The following PTER variants were observed in gnomAD, a reference collection of about 807,000 sequenced individuals.
The protein encoded by PTER is N-acetyltaurine hydrolase.
A neutral mutation model predicts 29.6 loss-of-function variants in PTER; 38 were observed. The ratio of observed to expected loss-of-function variants is 1.28; its 90% CI spans 0.99 to 1.68. The LOEUF is 1.68. Among genes scored for constraint, PTER ranks in the 40% most tolerant of loss-of-function variants. PTER has a pLI of 0.00. For synonymous variants in PTER, 172 were observed against 154.5 expected, an observed-to-expected ratio of 1.11 and a Z score of -0.84; for missense variants, 482 against 427.8, an observed-to-expected ratio of 1.13 and a Z score of -1.12.
chr10:16,505,962 A>G (rs1472594883), intron 4 of PTER, among the ~76,000 whole-genome samples: 2 of 152,160 alleles, frequency 1.3e-5, no homozygotes, highest in Non-Finnish European at 2.9e-5. Context: ...AGACCTGGGG[A>G]CAGAGACATT....
At chr10:16,460,123 C>T (rs1019208261) in intron 1 of PTER, among the ~76,000 whole-genome samples, 2 of 152,110 alleles carry the variant, frequency 1.3e-5, no homozygotes, top group Admixed American at 6.6e-5. Context: ...TCTTATTTTT[C>T]TAATTAGGAA....
At position 16,484,706 on chromosome 10, in the gene PTER, C is replaced by T. The variant is rs1482275969; in HGVS notation, c.322C>T (p.Gln108Ter). The T allele has an allele frequency of 9.3e-6, 15 of 1,614,010 alleles. No individual in the cohort carries two copies. The highest frequency in any genetic ancestry group is 3.3e-5 in the Admixed American group (2 of 59,976). ...NTTTGISRDT[Q>*]TLKRLAEETG... ...AACCACTGGGATTAGCCGAGACACA[C>T]AGACGTTGAAGAGGCTTGCAGAAGA... Residue 108 changes from glutamine to a stop codon, truncating the protein, a stop_gained, in exon 2 of 5, where the codon CAG (glutamine) becomes TAG (stop). Transcript: ENST00000535784. LOFTEE classifies it high-confidence loss of function.
chr10:16,514,739 A>T (rs757159562), downstream of PTER: 9 of 1,542,370 alleles, frequency 5.8e-6, no homozygotes, highest in Admixed American at 1.7e-4. Context: ...TAGGATGCGT[A>T]AATGAGAATT....
intron 1 of PTER, among the ~76,000 whole-genome samples, chr10:16,438,699 A>G (rs551214439): frequency 9.8e-4 from 148 of 151,038 alleles, no homozygotes; most frequent in African/African-American, 3.5e-3. Flanking sequence ...AGGCTGAGGC[A>G]GGTGGATCAC....
At position 16,464,956 on chromosome 10, in the gene PTER, A is replaced by G. The variant is rs1031149911; in HGVS notation, c.-48-19381A>G. Among the ~76,000 whole-genome samples the G allele has an allele frequency of 5.3e-5, 8 of 152,212 alleles. No homozygotes were observed. In the South Asian group the frequency reaches 1.7e-3, roughly 31 times the overall value. On this transcript the variant is annotated intron_variant, in intron 1 of 4. Coordinates refer to ENST00000535784, the MANE Select transcript of PTER (RefSeq NM_001261836.2). ...CACATCTTACATGGCAACAGGGAAG[A>G]GAGAACTCGTGCAGGGGAATTCCTC...
intron 3 of PTER, among the ~76,000 whole-genome samples, chr10:16,500,251 G>A (rs1836282702): frequency 6.6e-6 from 1 of 150,698 alleles, no homozygotes; most frequent in African/African-American, 2.4e-5. Context: ...TTGAGACAAG[G>A]TCTCACTCTG....
chr10:16,457,168 C>T (rs1465860009), intron 1 of PTER, among the ~76,000 whole-genome samples: 1 of 152,078 alleles, frequency 6.6e-6, no homozygotes, highest in Non-Finnish European at 1.5e-5. Flanking sequence ...TAGTCATTAA[C>T]GCTTTAATAC....
intron 1 of PTER, among the ~76,000 whole-genome samples, chr10:16,482,993 G>A (rs1420463469): frequency 6.6e-6 from 1 of 152,092 alleles, no homozygotes; most frequent in Non-Finnish European, 1.5e-5. Flanking sequence ...TGTTGGCCAG[G>A]CTGGTCTCAA....
At chr10:16,448,367 G>T (rs1364362831) in intron 1 of PTER, among the ~76,000 whole-genome samples, 1 of 152,198 alleles carries the variant, frequency 6.6e-6, no homozygotes, top group Non-Finnish European at 1.5e-5. Flanking sequence ...AAAACTGGCA[G>T]CCTTTCAGGT....
intron 1 of PTER, among the ~76,000 whole-genome samples, chr10:16,448,162 C>T (rs1834081877): frequency 6.6e-6 from 1 of 152,224 alleles, no homozygotes; most frequent in Non-Finnish European, 1.5e-5. Context: ...ATGGCAGGGC[C>T]TTGCTCCAAA....
intron 1 of PTER, among the ~76,000 whole-genome samples, chr10:16,441,383 G>GT (rs1269471253): frequency 6.6e-6 from 1 of 151,664 alleles, no homozygotes; most frequent in Non-Finnish European, 1.5e-5. Flanking sequence ...TGACTAATAC[G>GT]TTTTTTTTCA....
At chr10:16,463,244 C>G (rs1834688184) in intron 1 of PTER, among the ~76,000 whole-genome samples, 1 of 149,458 alleles carries the variant, frequency 6.7e-6, no homozygotes, top group Non-Finnish European at 1.5e-5. Flanking sequence ...ACTCATCTGT[C>G]TAGCTGAGGG....
chr10:16,453,122 C>T (rs1221788098), intron 1 of PTER, among the ~76,000 whole-genome samples: 2 of 152,110 alleles, frequency 1.3e-5, no homozygotes, highest in Non-Finnish European at 2.9e-5. Context: ...CACTGTGTTG[C>T]CCAGGCTGAT....
At chr10:16,470,951 C>A (rs1472188389) in intron 1 of PTER, among the ~76,000 whole-genome samples, 2 of 152,138 alleles carry the variant, frequency 1.3e-5, no homozygotes, top group African/African-American at 4.8e-5. Flanking sequence ...AACACCCCCG[C>A]CTCCATTTCC....
chr10:16,470,618 C>T (rs935075406), intron 1 of PTER, among the ~76,000 whole-genome samples: 3 of 151,978 alleles, frequency 2.0e-5, no homozygotes, highest in Non-Finnish European at 4.4e-5. Context: ...AAATACAAAA[C>T]TTAGCTGGGT....
intron 3 of PTER, among the ~76,000 whole-genome samples, chr10:16,489,910 G>C (rs1231961966): frequency 6.6e-6 from 1 of 152,166 alleles, no homozygotes; most frequent in Admixed American, 6.6e-5. Context: ...CAGGAATGGG[G>C]CTATGGATTC....
chr10:16,454,116 G>T (rs1834307885), intron 1 of PTER, among the ~76,000 whole-genome samples: 1 of 152,146 alleles, frequency 6.6e-6, no homozygotes, highest in Non-Finnish European at 1.5e-5. Context: ...TTGTGAGGGA[G>T]ACAATTTTTT....
At chr10:16,491,520 A>C (rs1588621199) in intron 3 of PTER, among the ~76,000 whole-genome samples, 1 of 152,182 alleles carries the variant, frequency 6.6e-6, no homozygotes, top group South Asian at 2.1e-4. Flanking sequence ...GACAAATCAC[A>C]AAGGGCATGT....
downstream of PTER, among the ~76,000 whole-genome samples, chr10:16,515,946 C>A (rs1481490938): frequency 6.6e-6 from 1 of 152,078 alleles, no homozygotes; most frequent in Admixed American, 6.6e-5. Flanking sequence ...AGAAATGAGA[C>A]AGAAGTCAAG....
Sources: allele counts gnomAD v4.1 joint callset (sites outside exome capture counted in the v4.1 genomes callset), GRCh38; gene constraint gnomAD v4.1.1; transcripts MANE v1.5; gene names NCBI Gene and HGNC (gene_info 2026-07-23, HGNC 2026-07-21).